BMERB1: variants seen among roughly 807,000 people sequenced by gnomAD.
The protein encoded by BMERB1 is bMERB domain containing 1.
BMERB1 carries 12 observed loss-of-function variants against 23.6 expected under a neutral mutation model. The observed-to-expected ratio is 0.51, with a 90% CI of 0.33 to 0.82. BMERB1 has a LOEUF of 0.82. Among genes scored for constraint, BMERB1 ranks in the 40% least tolerant of loss-of-function variants. BMERB1 has a pLI of 0.03. For synonymous variants in BMERB1, 122 were observed against 96.6 expected, an observed-to-expected ratio of 1.26 and a Z score of -1.54; for missense variants, 247 against 255.4, an observed-to-expected ratio of 0.97 and a Z score of 0.22.
intron 3 of BMERB1, among the ~76,000 whole-genome samples, chr16:15,576,293 C>G (rs1026598054): frequency 1.3e-5 from 2 of 152,020 alleles, no homozygotes; most frequent in South Asian, 4.1e-4. Context: ...GTGATCTGCC[C>G]GCCTCGGCCT....
At chr16:15,502,393 G>T (rs1384052068) in intron 1 of BMERB1, 1 of 1,539,220 alleles carries the variant, frequency 6.5e-7, no homozygotes, top group South Asian at 1.2e-5. Context: ...TCGCTCTTGG[G>T]GGCCCAGTGG....
intron 2 of BMERB1, among the ~76,000 whole-genome samples, chr16:15,560,084 TAGAG>T (rs372299871): frequency 1.1e-3 from 167 of 150,044 alleles, no homozygotes; most frequent in Admixed American, 1.9e-3. Flanking sequence ...GTGGAGGAGG[TAGAG>T]AGAGAGAGAG....
chr16:15,526,241 T>G (rs2051903868), intron 2 of BMERB1, among the ~76,000 whole-genome samples: 1 of 152,238 alleles, frequency 6.6e-6, no homozygotes, highest in Non-Finnish European at 1.5e-5. Flanking sequence ...TGTTCATAAC[T>G]GCCTCGTTTG....
intron 3 of BMERB1, among the ~76,000 whole-genome samples, chr16:15,580,840 C>T (rs759224396): frequency 4.0e-5 from 6 of 151,798 alleles, no homozygotes; most frequent in Non-Finnish European, 7.4e-5. Flanking sequence ...CCACCGCACC[C>T]GGCCAGCTCA....
intron 1 of BMERB1, among the ~76,000 whole-genome samples, chr16:15,453,831 G>A (rs1009841557): frequency 2.0e-5 from 3 of 152,042 alleles, no homozygotes; most frequent in African/African-American, 4.8e-5. Flanking sequence ...TCGAGATTTC[G>A]CCACTGCACT....
chr16:15,585,718 T>C (rs1041603517), intron 5 of BMERB1, among the ~76,000 whole-genome samples: 3 of 152,114 alleles, frequency 2.0e-5, no homozygotes, highest in Admixed American at 2.0e-4. Flanking sequence ...TAATCCCAGC[T>C]ACTCAGGAGG....
At chr16:15,584,012 G>T in intron 5 of BMERB1, 1 of 702,322 alleles carries the variant, frequency 1.4e-6, no homozygotes, top group Admixed American at 2.0e-5. Context: ...CTTAGGTCTG[G>T]AATCTCTGGA....
chr16:15,512,827 C>A (rs935346972), intron 1 of BMERB1, among the ~76,000 whole-genome samples: 2 of 150,594 alleles, frequency 1.3e-5, no homozygotes, highest in African/African-American at 4.9e-5. Flanking sequence ...TGCAGTGAGC[C>A]GATATTGTGC....
chr16:15,509,336 G>C (rs886295675), intron 1 of BMERB1, among the ~76,000 whole-genome samples: 1 of 135,864 alleles, frequency 7.4e-6, no homozygotes, highest in African/African-American at 2.9e-5. Context: ...GAAGGGGGGT[G>C]GGGGGGGAGA....
intron 2 of BMERB1, among the ~76,000 whole-genome samples, chr16:15,562,851 C>T (rs1044708991): frequency 6.6e-6 from 1 of 152,228 alleles, no homozygotes; most frequent in East Asian, 1.9e-4. Flanking sequence ...AGGCAGCTGT[C>T]ACCTGCTAGG....
chr16:15,578,931 G>A lies in BMERB1; in HGVS notation c.305-2286G>A, dbSNP rs78516242. Among the ~76,000 whole-genome samples, 1,067 of 152,292 alleles carry A rather than the reference G, an allele frequency of 7.0e-3. 15 individuals carry two copies. Among genetic ancestry groups the A allele is most frequent in the African/African-American group, 0.025 (1,040 of 41,556 alleles). ...GGCACACACGCACGTGAGCAGCATT[G>A]GCCAATGACTTGGAGACTTGGGCTA... On this transcript the variant is annotated intron_variant, in intron 3 of 5. Transcript: ENST00000300006.
chr16:15,497,883 G>A (rs565222900), intron 1 of BMERB1, among the ~76,000 whole-genome samples: 1 of 152,244 alleles, frequency 6.6e-6, no homozygotes, highest in South Asian at 2.1e-4. Flanking sequence ...CTGCCCCCGG[G>A]TTCCTGTTCT....
At chr16:15,529,475 C>G (rs2051946725) in intron 2 of BMERB1, among the ~76,000 whole-genome samples, 1 of 152,154 alleles carries the variant, frequency 6.6e-6, no homozygotes, top group Non-Finnish European at 1.5e-5. Flanking sequence ...AGTCCCTGTC[C>G]CATTACCATC....
chr16:15,565,910 G>T (rs184761027), intron 2 of BMERB1, among the ~76,000 whole-genome samples: 1 of 152,100 alleles, frequency 6.6e-6, no homozygotes, highest in African/African-American at 2.4e-5. Context: ...TGTGTATCAC[G>T]GGGAAGTTAT....
In BMERB1 at chr16:15,434,725, G is replaced by A. The variant is rs1331382320; in HGVS notation, c.72G>A (p.Glu24=). The change falls in exon 1 of 6, where the codon GAG becomes GAA. Residue 24 remains glutamate (E), a synonymous_variant. Transcript: ENST00000300006. ...EKPLRRYGAV[E]ETAWKTERLG... is the part of the protein sequence containing the mutation. ...CTCTGAGGCGCTATGGGGCGGTGGA[G>A]GAGACGGCTTGGAAAACGGAGAGAC... The A allele has an allele frequency of 1.9e-6, 3 of 1,605,336 alleles. No individual in the cohort carries two copies. The highest frequency in any genetic ancestry group is 2.7e-5 in the African/African-American group (2 of 74,588).
At chr16:15,502,675 C>T (rs2150943853) in intron 1 of BMERB1, among the ~76,000 whole-genome samples, 1 of 152,222 alleles carries the variant, frequency 6.6e-6, no homozygotes, top group East Asian at 1.9e-4. Flanking sequence ...CAGATATTGG[C>T]TCCCTGGTCA....
At chr16:15,575,181 C>G (rs548756770) in intron 3 of BMERB1, among the ~76,000 whole-genome samples, 44 of 152,306 alleles carry the variant, frequency 2.9e-4, no homozygotes, top group Admixed American at 1.2e-3. Flanking sequence ...CTGGAAGACA[C>G]TTAGAACAAG....
intron 1 of BMERB1, among the ~76,000 whole-genome samples, chr16:15,497,343 C>T (rs1297368010): frequency 6.6e-6 from 1 of 152,138 alleles, no homozygotes; most frequent in Non-Finnish European, 1.5e-5. Flanking sequence ...AATGAGGGGT[C>T]TGGCATCTCA....
At position 15,539,272 on chromosome 16, in the gene BMERB1, C is replaced by T. The variant is rs1031742858; in HGVS notation, c.230+23844C>T. On this transcript the variant is annotated intron_variant, in intron 2 of 5. Coordinates refer to ENST00000300006, the MANE Select transcript of BMERB1 (RefSeq NM_033201.3). ...ACAGTTCACAATAGGGTTTGCACTC[C>T]TATGAGAATCTAATGCAGCCGCTGA... Among the ~76,000 whole-genome samples the T allele has an allele frequency of 2.6e-5, 4 of 152,070 alleles. No individual in the cohort carries two copies. In the East Asian group the frequency reaches 7.7e-4, roughly 29 times the overall value.
Sources: gnomAD v4.1 joint callset for allele counts (sites outside exome capture counted in the v4.1 genomes callset) on GRCh38, gnomAD v4.1.1 for gene constraint, MANE v1.5 for transcripts, NCBI Gene and HGNC (gene_info 2026-07-23, HGNC 2026-07-21) for gene names.